Variants in NMNAT2 observed in about 807,000 individuals in gnomAD.
NMNAT2 encodes nicotinamide nucleotide adenylyltransferase 2.
A neutral mutation model predicts 41.6 loss-of-function variants in NMNAT2; 11 were observed. That is an observed-to-expected ratio of 0.26 (90% CI 0.17 to 0.44). The LOEUF (loss-of-function observed/expected upper bound fraction) is 0.44, where lower values mean the gene tolerates loss of function less well. Among genes scored for constraint, NMNAT2 ranks in the 20% least tolerant of loss-of-function variants. The pLI is 1.00. For synonymous variants in NMNAT2, 148 were observed against 151.2 expected, an observed-to-expected ratio of 0.98 and a Z score of 0.16; for missense variants, 288 against 407.7, an observed-to-expected ratio of 0.71 and a Z score of 2.53.
chr1:183,330,366 C>T (rs1001791084), intron 1 of NMNAT2, among the ~76,000 whole-genome samples: 3 of 152,186 alleles, frequency 2.0e-5, no homozygotes, highest in Non-Finnish European at 4.4e-5. Context: ...TATCCTGAGA[C>T]GTCAATTGAG....
At chr1:183,273,846 C>T (rs1661053082) in intron 8 of NMNAT2, among the ~76,000 whole-genome samples, 1 of 45,346 alleles carries the variant, frequency 2.2e-5, no homozygotes, top group Non-Finnish European at 4.8e-5. Flanking sequence ...TCCCTCCCTT[C>T]CTTCCTTCCT....
chr1:183,373,482 T>C (rs899794683), intron 1 of NMNAT2, among the ~76,000 whole-genome samples: 1 of 152,124 alleles, frequency 6.6e-6, no homozygotes, highest in African/African-American at 2.4e-5. Context: ...ACTCCTTCTG[T>C]AATAGCCACT....
intron 1 of NMNAT2, among the ~76,000 whole-genome samples, chr1:183,295,271 G>A (rs1332217480): frequency 2.0e-5 from 3 of 152,046 alleles, no homozygotes; most frequent in Admixed American, 6.6e-5. Context: ...CAAAATGCAA[G>A]GGTTACAGGC....
intron 1 of NMNAT2, among the ~76,000 whole-genome samples, chr1:183,346,644 G>A (rs541182089): frequency 2.0e-5 from 3 of 152,180 alleles, no homozygotes; most frequent in Non-Finnish European, 4.4e-5. Flanking sequence ...AACCTTTACA[G>A]GGAAGTAACT....
chr1:183,403,518 C>T (rs1394089816), intron 1 of NMNAT2, among the ~76,000 whole-genome samples: 6 of 151,856 alleles, frequency 4.0e-5, no homozygotes, highest in South Asian at 4.2e-4. Flanking sequence ...TGTCCTTACC[C>T]ACCTCCCCAC....
chr1:183,395,480 A>G (rs1050822044), intron 1 of NMNAT2, among the ~76,000 whole-genome samples: 1 of 152,042 alleles, frequency 6.6e-6, no homozygotes, highest in African/African-American at 2.4e-5. Context: ...TAAGAGAAGA[A>G]CAAAATTTCC....
intron 10 of NMNAT2, among the ~76,000 whole-genome samples, chr1:183,253,537 TG>T (rs1660444583): frequency 6.6e-6 from 1 of 152,146 alleles, no homozygotes; most frequent in African/African-American, 2.4e-5. Context: ...TCAACTTGTT[TG>T]TCCTACATAT....
intron 3 of NMNAT2, 34 bp downstream of exon 3, chr1:183,292,756 G>C: frequency 1.3e-6 from 2 of 1,597,924 alleles, no homozygotes; most frequent in Non-Finnish European, 1.7e-6. Flanking sequence ...AAGTCTCCGG[G>C]CCACTGCCTC....
intron 1 of NMNAT2, among the ~76,000 whole-genome samples, chr1:183,399,188 G>C (rs550732234): frequency 1.1e-3 from 140 of 128,454 alleles, no homozygotes; most frequent in Admixed American, 2.5e-3. Flanking sequence ...GAAGAAAAGA[G>C]AGAAGAATCA....
At chr1:183,326,499 A>G (rs1418183553) in intron 1 of NMNAT2, among the ~76,000 whole-genome samples, 1 of 151,946 alleles carries the variant, frequency 6.6e-6, no homozygotes, top group African/African-American at 2.4e-5. Flanking sequence ...AGGAGGATCC[A>G]GGGGCAGACT....
At chr1:183,415,702 G>A (rs1247672028) in intron 1 of NMNAT2, among the ~76,000 whole-genome samples, 1 of 152,186 alleles carries the variant, frequency 6.6e-6, no homozygotes, top group African/African-American at 2.4e-5. Context: ...ACAGGAATAA[G>A]TAACATAACA....
intron 1 of NMNAT2, among the ~76,000 whole-genome samples, chr1:183,315,065 A>G (rs1194919780): frequency 2.0e-5 from 3 of 152,270 alleles, no homozygotes; most frequent in Non-Finnish European, 4.4e-5. Context: ...TTCAAAAATC[A>G]AAAGTTTAAC....
chr1:183,264,367 C>T (rs595675), intron 8 of NMNAT2, among the ~76,000 whole-genome samples: 146,931 of 151,786 alleles, frequency 0.97, 71,308 homozygotes, highest in East Asian at 1. Context: ...GTTCAGTGGG[C>T]GGCAAGCAGA....
intron 1 of NMNAT2, among the ~76,000 whole-genome samples, chr1:183,396,733 G>A (rs1648662127): frequency 6.6e-6 from 1 of 152,098 alleles, no homozygotes; most frequent in Admixed American, 6.6e-5. Context: ...CACCCCCTTG[G>A]CCCTCTTCCA....
In NMNAT2 at chr1:183,279,441, C is replaced by A. The variant is rs11588757; in HGVS notation, c.575-812G>T. Among the ~76,000 whole-genome samples the A allele has an allele frequency of 1.9e-3, 293 of 152,316 alleles. 2 individuals are homozygous for A. The highest frequency in any genetic ancestry group is 0.015 in the South Asian group (73 of 4,828). On this transcript the variant is annotated intron_variant, in intron 7 of 10. Coordinates refer to ENST00000287713, the MANE Select transcript of NMNAT2 (RefSeq NM_015039.4). ...CAGCGTGGCTCCCAGGCGTTCCAGG[C>A]CCTCTCATCAAGAGGCCGAGGCTGT...
intron 8 of NMNAT2, 109 bp from the exon 9 acceptor site, chr1:183,261,412 A>G: frequency 4.0e-6 from 4 of 997,828 alleles, no homozygotes; most frequent in Non-Finnish European, 6.2e-6. Flanking sequence ...TGGAGCCCCA[A>G]GCTTTAGTCC....
At chr1:183,389,822 A>AAGAAAGAAAGAT (rs1648407297) in intron 1 of NMNAT2, among the ~76,000 whole-genome samples, 1 of 78,480 alleles carries the variant, frequency 1.3e-5, no homozygotes, top group African/African-American at 4.2e-5. Context: ...GAAAGAAAGA[A>AAGAAAGAAAGAT]AGAAAGAAAG....
chr1:183,297,430 T>C (rs896220709), intron 1 of NMNAT2, among the ~76,000 whole-genome samples: 1 of 151,316 alleles, frequency 6.6e-6, no homozygotes, highest in African/African-American at 2.4e-5. Flanking sequence ...TTGCCCAGGC[T>C]GGAGTGCAAC....
Position 183,322,797 on chromosome 1 carries a change from A to G in NMNAT2, c.86-29004T>C, listed in dbSNP as rs560335710. On this transcript the variant is annotated intron_variant, in intron 1 of 10. Coordinates refer to ENST00000287713, the MANE Select transcript of NMNAT2 (RefSeq NM_015039.4). ...AAGGTGCAGTCCCATGATTTAAAAT[A>G]CCATCTGTCTGCTGACATCTCCCAA... 4.5e-4 allele frequency among the ~76,000 whole-genome samples: 69 copies of G among 152,314 alleles called. No homozygotes were observed. The Middle Eastern group carries it at 0.027, about 60-fold the overall frequency.
Sources: gnomAD v4.1 joint callset for allele counts (sites outside exome capture counted in the v4.1 genomes callset) on GRCh38, gnomAD v4.1.1 for gene constraint, MANE v1.5 for transcripts, NCBI Gene and HGNC (gene_info 2026-07-23, HGNC 2026-07-21) for gene names.